The following MYCBP2 variants were observed in gnomAD, a reference collection of about 807,000 sequenced individuals.
MYCBP2 encodes E3 ubiquitin-protein ligase MYCBP2.
A neutral mutation model predicts 525.3 loss-of-function variants in MYCBP2; 120 were observed. The ratio of observed to expected loss-of-function variants is 0.23; its 90% CI spans 0.20 to 0.27. The LOEUF (loss-of-function observed/expected upper bound fraction) is 0.27. MYCBP2 is among the 10% of genes least tolerant of loss of function. MYCBP2 has a pLI of 1.00. For missense variants in MYCBP2, 4,149 were observed against 5,657.1 expected (o/e 0.73, Z 8.55); for synonymous variants, 1,894 against 1,955.8 (o/e 0.97, Z 0.83).
chr13:77,083,588 T>C (rs1175798954), intron 62 of MYCBP2, among the ~76,000 whole-genome samples: 1 of 152,054 alleles, frequency 6.6e-6, no homozygotes, highest in African/African-American at 2.4e-5. Flanking sequence ...TAACATATGT[T>C]TAGAAGTTGG....
At chr13:77,159,327 G>C (rs2154202904) in intron 44 of MYCBP2, among the ~76,000 whole-genome samples, 1 of 151,954 alleles carries the variant, frequency 6.6e-6, no homozygotes, top group Non-Finnish European at 1.5e-5. Flanking sequence ...TTTAATACAT[G>C]TTAGATTATC....
chr13:77,160,421 T>G (rs768046399), intron 44 of MYCBP2, among the ~76,000 whole-genome samples: 5 of 152,210 alleles, frequency 3.3e-5, no homozygotes, highest in Non-Finnish European at 7.4e-5. Flanking sequence ...AAATAGTGCT[T>G]GACAAAGATG....
At chr13:77,315,285 A>G (rs2080795486) in intron 1 of MYCBP2, among the ~76,000 whole-genome samples, 1 of 152,214 alleles carries the variant, frequency 6.6e-6, no homozygotes. Context: ...TAGGATTACT[A>G]TGTAACTCAC....
intron 3 of MYCBP2, among the ~76,000 whole-genome samples, chr13:77,279,425 C>T (rs1326610355): frequency 6.6e-6 from 1 of 152,070 alleles, no homozygotes; most frequent in African/African-American, 2.4e-5. Flanking sequence ...ACTCTATATC[C>T]AGCAAAAGAG....
intron 54 of MYCBP2, 88 bp downstream of exon 54, chr13:77,125,248 C>T (rs1289653773): frequency 1.4e-6 from 2 of 1,473,834 alleles, no homozygotes; most frequent in Non-Finnish European, 1.8e-6. Context: ...ACACAAAAAA[C>T]TCTTTAAAAC....
chr13:77,245,563 A>G (rs2069722443), intron 15 of MYCBP2, among the ~76,000 whole-genome samples: 1 of 150,926 alleles, frequency 6.6e-6, no homozygotes, highest in Admixed American at 6.6e-5. Context: ...CAATGAGAAC[A>G]CATGGACACA....
chr13:77,054,906 T>C (rs1336099723), intron 80 of MYCBP2, among the ~76,000 whole-genome samples: 2 of 152,072 alleles, frequency 1.3e-5, no homozygotes, highest in African/African-American at 4.8e-5. Flanking sequence ...CGGCCAAGAT[T>C]GATGAATATA....
intron 55 of MYCBP2, among the ~76,000 whole-genome samples, chr13:77,105,542 T>G (rs2047719181): frequency 6.6e-6 from 1 of 152,092 alleles, no homozygotes; most frequent in Non-Finnish European, 1.5e-5. Flanking sequence ...TTATAGTTAA[T>G]TTTTATAAAG....
At chr13:77,122,545 C>T (rs112942524) in intron 54 of MYCBP2, among the ~76,000 whole-genome samples, 3,303 of 151,906 alleles carry the variant, frequency 0.022, 124 homozygotes, top group African/African-American at 0.076. Flanking sequence ...AAAAATTAGC[C>T]GGGCGTGGTG....
At chr13:77,306,389 G>C (rs1201542664) in intron 1 of MYCBP2, among the ~76,000 whole-genome samples, 1 of 152,188 alleles carries the variant, frequency 6.6e-6, no homozygotes, top group Admixed American at 6.5e-5. Flanking sequence ...TAATAAGAAA[G>C]AGATTTTAAC....
At chr13:77,291,795 G>A (rs558993272) in intron 2 of MYCBP2, among the ~76,000 whole-genome samples, 1 of 151,580 alleles carries the variant, frequency 6.6e-6, no homozygotes, top group African/African-American at 2.4e-5. Context: ...TAAACTAAAC[G>A]TACATTTACC....
At chr13:77,082,759 G>C (rs937550486) in intron 63 of MYCBP2, among the ~76,000 whole-genome samples, 3 of 152,018 alleles carry the variant, frequency 2.0e-5, no homozygotes, top group African/African-American at 7.2e-5. Context: ...AGTGATTTGA[G>C]GTAGGAGACT....
chr13:77,148,327 C>T (rs1414942797), intron 47 of MYCBP2, among the ~76,000 whole-genome samples: 1 of 151,938 alleles, frequency 6.6e-6, no homozygotes, highest in Admixed American at 6.6e-5. Flanking sequence ...TTCTCATTCC[C>T]TGATTTCTTT....
intron 50 of MYCBP2, among the ~76,000 whole-genome samples, chr13:77,140,425 T>C (rs1274045162): frequency 6.6e-6 from 1 of 152,218 alleles, no homozygotes; most frequent in Admixed American, 6.5e-5. Flanking sequence ...TGAAGATACG[T>C]GTTAAGAAGG....
At chr13:77,094,584 C>T (rs1177386826) in intron 58 of MYCBP2, among the ~76,000 whole-genome samples, 1 of 152,150 alleles carries the variant, frequency 6.6e-6, no homozygotes, top group Non-Finnish European at 1.5e-5. Context: ...ATATTTCCTC[C>T]AGTAGCCAGT....
intron 55 of MYCBP2, chr13:77,118,545 C>A: frequency 1.3e-6 from 1 of 757,662 alleles, no homozygotes; most frequent in South Asian, 1.4e-5. Context: ...CATTAACATC[C>A]AAAATGGCAA....
At chr13:77,304,952 GA>G (rs140899635) in intron 1 of MYCBP2, among the ~76,000 whole-genome samples, 3,435 of 150,858 alleles carry the variant, frequency 0.023, 57 homozygotes, top group Middle Eastern at 0.075. Flanking sequence ...TTAAACAAGG[GA>G]AAAAAAATGT....
intron 1 of MYCBP2, among the ~76,000 whole-genome samples, chr13:77,297,010 T>A (rs2078263082): frequency 6.6e-6 from 1 of 152,162 alleles, no homozygotes; most frequent in African/African-American, 2.4e-5. Flanking sequence ...GTCAGTGATG[T>A]TTCCAAGAAA....
intron 55 of MYCBP2, among the ~76,000 whole-genome samples, chr13:77,106,344 A>G (rs1428267961): frequency 1.3e-5 from 2 of 152,132 alleles, no homozygotes. Context: ...ATTTCTTACT[A>G]TGTTCTATAA....
Sources: gnomAD v4.1 joint callset for allele counts (sites outside exome capture counted in the v4.1 genomes callset) on GRCh38, gnomAD v4.1.1 for gene constraint, MANE v1.5 for transcripts, NCBI Gene and HGNC (gene_info 2026-07-23, HGNC 2026-07-21) for gene names.